SHISA4: variants seen among roughly 807,000 people sequenced by gnomAD.
The protein encoded by SHISA4 is shisa family member 4, also known as protein shisa-4.
In SHISA4, 16 loss-of-function variants were observed where a neutral mutation model predicts 24.2. That is an observed-to-expected ratio of 0.66 (90% CI 0.45 to 1.00). SHISA4 has a LOEUF of 1.00. SHISA4 is among the 50% of genes least tolerant of loss of function. The probability of loss-of-function intolerance (pLI) is 0.00; values close to 1 mark genes in which losing one functional copy is unlikely to be tolerated. For synonymous variants in SHISA4, 106 were observed against 105.4 expected (o/e 1.01, Z -0.04); for missense variants, 238 against 258.9 (o/e 0.92, Z 0.55).
At chr1:201,890,074 T>A (rs1681064377) in intron 2 of SHISA4, among the ~76,000 whole-genome samples, 1 of 152,224 alleles carries the variant, frequency 6.6e-6, no homozygotes. Context: ...TGTCAAACTT[T>A]TTTTTAATAT....
chr1:201,889,266 G>T, intron 1 of SHISA4, 179 bp from the exon 2 acceptor site: 1 of 965,156 alleles, frequency 1.0e-6, no homozygotes, highest in African/African-American at 1.6e-5. Context: ...CGGGGTGCAG[G>T]GTCAGCTTCA....
chr1:201,888,991 CA>C lies in SHISA4; in HGVS notation c.-3del. 2 of 1,395,284 alleles carry C rather than the reference CA, an allele frequency of 1.4e-6. No individual in the cohort carries two copies. Among genetic ancestry groups the C allele is most frequent in the Non-Finnish European group, 1.9e-6 (2 of 1,073,646 alleles). 86.4% of individuals were successfully genotyped at this position (1,395,284 alleles called of 1,614,324 possible). The stretch of plus-strand genomic sequence containing the variant: ...CCCGACCCCGGCCGCGCCCAGCCCC[CA>C]CCATGCCACCCGCGGGGCTCCGCCG... On this transcript the variant is annotated 5_prime_UTR_variant, in exon 1 of 5. Transcript: ENST00000362011.
intron 3 of SHISA4, among the ~76,000 whole-genome samples, 159 bp downstream of exon 3, chr1:201,890,746 G>A (rs551590485): frequency 3.9e-5 from 6 of 152,322 alleles, no homozygotes; most frequent in South Asian, 2.1e-4. Context: ...TTGTAAACCC[G>A]TGAATATTAG....
intron 3 of SHISA4, among the ~76,000 whole-genome samples, chr1:201,890,845 G>A (rs975338888): frequency 1.3e-5 from 2 of 152,228 alleles, no homozygotes; most frequent in African/African-American, 4.8e-5. Context: ...AGTGCAGTCT[G>A]TCAACAATAG....
intron 1 of SHISA4, 109 bp downstream of exon 1, chr1:201,889,176 A>G: frequency 1.8e-6 from 2 of 1,128,262 alleles, no homozygotes; most frequent in South Asian, 1.7e-5. Flanking sequence ...TCCGGCTGCC[A>G]CGGGAGCCTT....
chr1:201,890,739 T>C, intron 3 of SHISA4, 152 bp downstream of exon 3: 1 of 1,028,378 alleles, frequency 9.7e-7, no homozygotes, highest in Non-Finnish European at 1.4e-6. Context: ...AAAATGCTTG[T>C]AAACCCGTGA....
At position 201,891,407 on chromosome 1, in the gene SHISA4, A is replaced by C. The variant is rs375814943; in HGVS notation, c.386A>C (p.Glu129Ala). Residue 129 changes from glutamate to alanine, a missense_variant, in exon 4 of 5, where the codon GAG becomes GCG. Physicochemically the swap from Glu to Ala is moderately radical, Grantham distance 107 (BLOSUM62 -1). Transcript: ENST00000362011. ...ATCCTTCTCCCCCATCTAGGCCAGG[A>C]GATTCCAATGACAGGCATCCCAGTG... Reference protein sequence around the residue: ...QQLQSPFEGQEIPMTGIPVQP... With the variant: ...QQLQSPFEGQAIPMTGIPVQP... 50 of 1,613,864 alleles carry C rather than the reference A, an allele frequency of 3.1e-5. No homozygotes were observed. In the South Asian group the frequency reaches 3.5e-4, roughly 11 times the overall value.
chr1:201,889,060 T>C lies in SHISA4; in HGVS notation c.66T>C (p.Ala22=). The C allele has an allele frequency of 7.2e-7, 1 of 1,389,188 alleles. No individual in the cohort carries two copies. Among genetic ancestry groups the C allele is most frequent in the Non-Finnish European group, 9.4e-7 (1 of 1,069,100 alleles). The allele number at this position is 1,389,188 out of a possible 1,614,324, so 86.1% of individuals were successfully genotyped here. The change falls in exon 1 of 5, where the codon GCT becomes GCC. Residue 22 remains alanine, a synonymous_variant. Transcript: ENST00000362011. The part of the protein sequence containing the change: ...LTAIALLVLG[A]PLVLAGEDCL... ...CAATCGCTCTGTTGGTGCTGGGGGCTCCCCTGGGTAAGGGGATGGGGAGAG... is the reference window on the plus strand; with the variant it reads ...CAATCGCTCTGTTGGTGCTGGGGGCCCCCCTGGGTAAGGGGATGGGGAGAG...
chr1:201,889,441 G>T lies in SHISA4; in HGVS notation c.74-4G>T, dbSNP rs1364575246. On this transcript the variant is annotated splice_polypyrimidine_tract_variant and splice_region_variant and intron_variant, in intron 1 of 4. Coordinates refer to ENST00000362011, the MANE Select transcript of SHISA4 (RefSeq NM_198149.3). ...CACTGGGCACCCCCAATCCCTGCCC[G>T]CAGTGCTGGCCGGCGAGGACTGCCT... The T allele has an allele frequency of 1.2e-6, 2 of 1,611,834 alleles. No homozygotes were observed. The highest frequency in any genetic ancestry group is 1.7e-6 in the Non-Finnish European group (2 of 1,179,920).
chr1:201,892,236 G>A lies in SHISA4; in HGVS notation c.*390G>A, dbSNP rs1681116978. On this transcript the variant is annotated 3_prime_UTR_variant, in exon 5 of 5. Transcript: ENST00000362011. ...GAGGTTCCGTCAGCAGCTGGCAGTA[G>A]CCCTCCTCTCTGGCTGCCCCACTGG... The A allele has an allele frequency of 3.8e-6, 1 of 264,148 alleles. No individual in the cohort carries two copies. The highest frequency in any genetic ancestry group is 4.9e-5 in the South Asian group (1 of 20,332). 16.4% of individuals were successfully genotyped at this position (264,148 alleles called of 1,614,324 possible). A position where few individuals can be genotyped will look rare whatever the true frequency, so the allele number is the denominator to read the frequency against.
rs767642403 is a variant in SHISA4, at chr1:201,890,460, G to A, written c.252G>A (p.Lys84=). ...ACCTGTTCTTTGTCTAAAGCCCCAA[G>A]ACCATAGCAGGCATCGCCTCAGCTG... ...QQKHCLAFSP[K]TIAGIASAVI... Residue 84 remains lysine, a synonymous_variant, in exon 3 of 5, where the codon AAG becomes AAA. Coordinates refer to ENST00000362011, the MANE Select transcript of SHISA4 (RefSeq NM_198149.3). 1.2e-6 allele frequency: 2 copies of A among 1,614,188 alleles called. No homozygotes were observed. Among genetic ancestry groups the A allele is most frequent in the East Asian group, 4.5e-5 (2 of 44,882 alleles).
In SHISA4 at chr1:201,891,381, G is replaced by C; in HGVS notation, c.380-20G>C. 1 of 1,613,814 alleles carries C rather than the reference G, an allele frequency of 6.2e-7. No individual in the cohort carries two copies. The highest frequency in any genetic ancestry group is 1.7e-5 in the Admixed American group (1 of 59,998). The stretch of plus-strand genomic sequence containing the variant: ...CATAGGAGATGGGTCTCTGAATGCT[G>C]ATCCTTCTCCCCCATCTAGGCCAGG... On this transcript the variant is annotated intron_variant, in intron 3 of 4. Transcript: ENST00000362011.
chr1:201,889,156 T>C, intron 1 of SHISA4, 89 bp downstream of exon 1: 1 of 1,210,158 alleles, frequency 8.3e-7, no homozygotes, highest in Non-Finnish European at 1.1e-6. Flanking sequence ...TCGGGGCTTC[T>C]CCGAGACCCT....
Position 201,890,367 on chromosome 1 carries a change from C to G in SHISA4, c.246-87C>G. 7 of 1,535,536 alleles carry G rather than the reference C, an allele frequency of 4.6e-6. No individual in the cohort carries two copies. In the Middle Eastern group the frequency reaches 5.6e-4, roughly 122 times the overall value. ...CCCAAATCTCAGCATGCCATGGCCCCCCTGCTGGCCAGGAGTTGGAGCCAG... is the reference window on the plus strand; with the variant it reads ...CCCAAATCTCAGCATGCCATGGCCCGCCTGCTGGCCAGGAGTTGGAGCCAG... On this transcript the variant is annotated intron_variant, in intron 2 of 4. Transcript: ENST00000362011.
chr1:201,890,687 T>C, intron 3 of SHISA4, 100 bp downstream of exon 3: 2 of 1,486,086 alleles, frequency 1.3e-6, no homozygotes. Context: ...TGTAGTAGTA[T>C]GTGCTTCTGT....
rs527867481 is a variant in SHISA4 at position 201,891,739 on chromosome 1, G to A, written c.548-61G>A. The A allele has an allele frequency of 6.4e-5, 102 of 1,597,950 alleles. 5 individuals are homozygous for A. In the South Asian group the frequency reaches 1.1e-3, roughly 17 times the overall value. ...GGGTCCTGTCTGCCCCGGGGGCAGG[G>A]GTGTTACTTTTCGTCCACCTATGCC... On this transcript the variant is annotated intron_variant, in intron 4 of 4. Transcript: ENST00000362011.
At position 201,890,605 on chromosome 1, in the gene SHISA4, C is replaced by T. The variant is rs779394514; in HGVS notation, c.379+18C>T. On this transcript the variant is annotated intron_variant, in intron 3 of 4. Transcript: ENST00000362011. ...ATTTGAAGGTACACCCAGTACTGGGCAAGAAGGGCCTCAGATGGGCTGGGC... is the reference window on the plus strand; with the variant it reads ...ATTTGAAGGTACACCCAGTACTGGGTAAGAAGGGCCTCAGATGGGCTGGGC... The T allele has an allele frequency of 1.2e-6, 2 of 1,612,978 alleles. No homozygotes were observed. The highest frequency in any genetic ancestry group is 3.3e-5 in the Admixed American group (2 of 59,770).
Position 201,889,544 on chromosome 1 carries a change from A to G in SHISA4, c.173A>G (p.Tyr58Cys). The change falls in exon 2 of 5, where the codon TAC becomes TGC. Residue 58 changes from tyrosine (Y) to cysteine (C), a missense_variant. Coordinates refer to ENST00000362011, the MANE Select transcript of SHISA4 (RefSeq NM_198149.3). ...TTCACCTTCTGCTGCGGGACCTGCT[A>G]CCATCGGTACTGCTGCAGGGACCTG... The part of the protein sequence containing the change: ...EFFTFCCGTC[Y>C]HRYCCRDLTL... 1 of 1,613,930 alleles carries G rather than the reference A, an allele frequency of 6.2e-7. No individual in the cohort carries two copies.
chr1:201,890,907 C>T (rs1681082000), intron 3 of SHISA4, among the ~76,000 whole-genome samples: 1 of 152,116 alleles, frequency 6.6e-6, no homozygotes, highest in South Asian at 2.1e-4. Flanking sequence ...TACACGGGGT[C>T]AGGTCTGTAG....
Sources: allele counts gnomAD v4.1 joint callset (sites outside exome capture counted in the v4.1 genomes callset), GRCh38; gene constraint gnomAD v4.1.1; transcripts MANE v1.5; gene names NCBI Gene and HGNC (gene_info 2026-07-23, HGNC 2026-07-21).